The following THADA variants were observed in gnomAD, a reference collection of about 807,000 sequenced individuals.
THADA encodes tRNA (32-2'-O)-methyltransferase regulator THADA.
Under a neutral mutation model 219.8 loss-of-function variants are expected in THADA, and 213 were observed. That is an observed-to-expected ratio of 0.97 (90% CI 0.87 to 1.09). The LOEUF is 1.09. Among genes scored for constraint, THADA ranks in the 50% least tolerant of loss-of-function variants. The pLI is 0.00. For synonymous variants in THADA, 1,018 were observed against 828.9 expected (o/e 1.23, Z -3.92); for missense variants, 2,956 against 2,311.3 (o/e 1.28, Z -5.72).
intron 31 of THADA, 69 bp downstream of exon 31, chr2:43,320,377 A>G (rs1678559564): frequency 1.7e-6 from 2 of 1,197,326 alleles, no homozygotes; most frequent in Non-Finnish European, 2.4e-6. Flanking sequence ...TGGCAGAGCC[A>G]CTCAAAACGC....
At chr2:43,566,492 A>C in intron 15 of THADA, 1 of 732,232 alleles carries the variant, frequency 1.4e-6, no homozygotes, top group South Asian at 1.5e-5. Flanking sequence ...GGGGTTGGCA[A>C]ATAATGATCA....
rs752944753 is a variant in THADA at position 43,574,308 on chromosome 2, T to A, written c.1729+28A>T. ...ACATTTAAGCATCATAATTAGAAAC[T>A]ACTAAAACAAAAATGCATTTTTCTT... On this transcript the variant is annotated intron_variant, in intron 11 of 37. Transcript: ENST00000405975. The A allele has an allele frequency of 4.8e-6, 7 of 1,457,132 alleles. No homozygotes were observed. The Admixed American group carries it at 1.9e-4, about 39-fold the overall frequency. The allele number at this position is 1,457,132 out of a possible 1,614,324, so 90.3% of individuals were successfully genotyped here. A position where few individuals can be genotyped will look rare whatever the true frequency, so the allele number is the denominator to read the frequency against.
intron 20 of THADA, among the ~76,000 whole-genome samples, chr2:43,543,570 C>A (rs1233932462): frequency 2.4e-4 from 37 of 151,928 alleles, no homozygotes; most frequent in South Asian, 1.3e-3. Flanking sequence ...TGCCATTCTA[C>A]CTGGTGTGAG....
intron 4 of THADA, among the ~76,000 whole-genome samples, chr2:43,587,329 G>C (rs996680915): frequency 6.6e-6 from 1 of 152,122 alleles, no homozygotes; most frequent in African/African-American, 2.4e-5. Flanking sequence ...TGTTTACAGT[G>C]ACCTACAAGG....
chr2:43,296,370 G>C (rs981659066), intron 31 of THADA, among the ~76,000 whole-genome samples: 1 of 151,708 alleles, frequency 6.6e-6, no homozygotes, highest in Non-Finnish European at 1.5e-5. Flanking sequence ...TCGCCTCCCC[G>C]GTACAAGTAA....
intron 28 of THADA, among the ~76,000 whole-genome samples, chr2:43,420,961 C>T (rs924912840): frequency 2.6e-5 from 4 of 152,200 alleles, no homozygotes; most frequent in Non-Finnish European, 5.9e-5. Context: ...GCTGCCCAAA[C>T]AATGTGATTT....
chr2:43,505,581 CA>C lies in THADA; in HGVS notation c.3621+40del, dbSNP rs762777223. On this transcript the variant is annotated intron_variant, in intron 24 of 37. Coordinates refer to ENST00000405975, the MANE Select transcript of THADA (RefSeq NM_022065.5). ...GAAAAAAGTGAAAAACAAAACAAAA[CA>C]AAAAACAACACTGGAGGGTTTGTGT... The C allele has an allele frequency of 4.2e-6, 6 of 1,430,096 alleles. No individual in the cohort carries two copies. In the African/African-American group the frequency reaches 8.6e-5, roughly 21 times the overall value. 88.6% of individuals were successfully genotyped at this position (1,430,096 alleles called of 1,614,324 possible). A position where few individuals can be genotyped will look rare whatever the true frequency, so the allele number is the denominator to read the frequency against.
At chr2:43,377,986 T>G (rs1377584085) in intron 29 of THADA, among the ~76,000 whole-genome samples, 2 of 152,132 alleles carry the variant, frequency 1.3e-5, no homozygotes, top group Non-Finnish European at 2.9e-5. Context: ...GTCCCTCAAT[T>G]TGGGTTTGTA....
chr2:43,367,424 G>A (rs1249789787), intron 29 of THADA, among the ~76,000 whole-genome samples: 2 of 151,998 alleles, frequency 1.3e-5, no homozygotes, highest in African/African-American at 4.8e-5. Flanking sequence ...ATATTTTTGG[G>A]TCATGTTTTG....
At chr2:43,484,940 TAA>T (rs1185045428) in intron 26 of THADA, among the ~76,000 whole-genome samples, 1 of 130,316 alleles carries the variant, frequency 7.7e-6, no homozygotes. Flanking sequence ...AAGATGCAAT[TAA>T]AAAAAAAAAA....
intron 26 of THADA, among the ~76,000 whole-genome samples, chr2:43,473,469 G>T (rs188985978): frequency 6.6e-6 from 1 of 152,016 alleles, no homozygotes; most frequent in African/African-American, 2.4e-5. Context: ...GGACCCGCCC[G>T]AGCCAGTTTT....
intron 29 of THADA, among the ~76,000 whole-genome samples, chr2:43,372,558 T>A (rs1670925322): frequency 6.6e-6 from 1 of 152,126 alleles, no homozygotes; most frequent in African/African-American, 2.4e-5. Flanking sequence ...AACTTTGCAT[T>A]GCAGAGTGTG....
At chr2:43,492,991 C>CT (rs1000133747) in intron 25 of THADA, among the ~76,000 whole-genome samples, 158 of 152,302 alleles carry the variant, frequency 1.0e-3, no homozygotes, top group African/African-American at 3.8e-3. Flanking sequence ...AGCTAGGTTT[C>CT]AGCAGTACAC....
intron 7 of THADA, among the ~76,000 whole-genome samples, chr2:43,585,207 C>T (rs1208383675): frequency 1.3e-5 from 2 of 152,022 alleles, no homozygotes; most frequent in African/African-American, 4.8e-5. Context: ...CTTGGTGTCC[C>T]GTTATTAAAC....
chr2:43,303,994 C>T (rs1188780511), intron 31 of THADA, among the ~76,000 whole-genome samples: 2 of 152,224 alleles, frequency 1.3e-5, no homozygotes, highest in Non-Finnish European at 2.9e-5. Flanking sequence ...GACCATCTGA[C>T]ATCATCCATG....
chr2:43,420,114 T>C (rs1369380479), intron 28 of THADA, among the ~76,000 whole-genome samples: 1 of 152,170 alleles, frequency 6.6e-6, no homozygotes, highest in African/African-American at 2.4e-5. Flanking sequence ...CCATGGGTGA[T>C]TTCTAAAAGT....
At chr2:43,325,231 A>G (rs1334641100) in intron 30 of THADA, among the ~76,000 whole-genome samples, 1 of 152,098 alleles carries the variant, frequency 6.6e-6, no homozygotes, top group Non-Finnish European at 1.5e-5. Context: ...GGACAGCAGA[A>G]GTCTTGGGGA....
intron 8 of THADA, among the ~76,000 whole-genome samples, chr2:43,579,708 C>T (rs913039737): frequency 6.6e-6 from 1 of 152,166 alleles, no homozygotes; most frequent in Non-Finnish European, 1.5e-5. Context: ...AAAGTAAAGA[C>T]GCAACTGGCC....
intron 36 of THADA, among the ~76,000 whole-genome samples, chr2:43,273,511 G>A (rs887639710): frequency 1.3e-5 from 2 of 152,284 alleles, no homozygotes; most frequent in Admixed American, 1.3e-4. Flanking sequence ...TACCTGAGTC[G>A]ATTAGGAAAG....
Sources: allele counts gnomAD v4.1 joint callset (sites outside exome capture counted in the v4.1 genomes callset), GRCh38; gene constraint gnomAD v4.1.1; transcripts MANE v1.5; gene names NCBI Gene and HGNC (gene_info 2026-07-23, HGNC 2026-07-21).